The following SLC12A2 variants were observed in gnomAD, a reference collection of about 807,000 sequenced individuals.
The protein encoded by SLC12A2 is Na-K-2Cl cotransporter 1.
A neutral mutation model predicts 136.3 loss-of-function variants in SLC12A2; 67 were observed. That is an observed-to-expected ratio of 0.49 (90% CI 0.40 to 0.60). The LOEUF is 0.60. SLC12A2 is among the 20% of genes least tolerant of loss of function. SLC12A2 has a pLI of 0.00. For synonymous variants in SLC12A2, 619 were observed against 562.9 expected, an observed-to-expected ratio of 1.10 and a Z score of -1.41; for missense variants, 1,322 against 1,534.7, an observed-to-expected ratio of 0.86 and a Z score of 2.32.
chr5:128,175,469 G>A (rs1401192692), intron 20 of SLC12A2, among the ~76,000 whole-genome samples: 1 of 151,674 alleles, frequency 6.6e-6, no homozygotes, highest in Non-Finnish European at 1.5e-5. Flanking sequence ...CTATATTCCA[G>A]CATTTATTTT....
rs144936360 is a variant in SLC12A2, at chr5:128,129,340, A to G, written c.1049-1727A>G. 3.9e-5 allele frequency among the ~76,000 whole-genome samples: 6 copies of G among 152,278 alleles called. No individual in the cohort carries two copies. The East Asian group carries it at 9.6e-4, about 24-fold the overall frequency. ...TTGTGATTAATTATAATGTGATGTA[A>G]TATAGTCAAAGATCTTTGACAAAAT... On this transcript the variant is annotated intron_variant, in intron 4 of 26. Transcript: ENST00000262461.
intron 16 of SLC12A2, among the ~76,000 whole-genome samples, chr5:128,160,987 C>G (rs1763017013): frequency 6.6e-6 from 1 of 152,030 alleles, no homozygotes; most frequent in African/African-American, 2.4e-5. Context: ...GAGCATAAGA[C>G]ATTTACAAAT....
At chr5:128,126,964 ATATTT>A (rs1299968559) in intron 4 of SLC12A2, among the ~76,000 whole-genome samples, 3 of 21,682 alleles carry the variant, frequency 1.4e-4, no homozygotes, top group African/African-American at 3.1e-4. Flanking sequence ...ATATATATAT[ATATTT>A]TTTTTTTTTT....
chr5:128,087,976 A>G (rs1760161498), intron 1 of SLC12A2, among the ~76,000 whole-genome samples: 1 of 147,212 alleles, frequency 6.8e-6, no homozygotes, highest in Admixed American at 6.8e-5. Flanking sequence ...AAAGACAAAG[A>G]CAACTTATTC....
intron 16 of SLC12A2, among the ~76,000 whole-genome samples, chr5:128,159,016 G>A (rs942074396): frequency 1.3e-5 from 2 of 149,694 alleles, no homozygotes; most frequent in Non-Finnish European, 3.0e-5. Flanking sequence ...TTTTTTTTCA[G>A]GTAGTTGTTT....
intron 1 of SLC12A2, chr5:128,110,782 G>T: frequency 6.8e-7 from 1 of 1,470,036 alleles, no homozygotes; most frequent in Non-Finnish European, 9.5e-7. Context: ...CAATGAAGAG[G>T]CCAAAAAGAT....
intron 1 of SLC12A2, among the ~76,000 whole-genome samples, chr5:128,107,340 C>A (rs913931635): frequency 1.3e-5 from 2 of 152,108 alleles, no homozygotes; most frequent in African/African-American, 4.8e-5. Flanking sequence ...ATGTGCAGAA[C>A]GTGCAGTTTT....
chr5:128,138,593 G>C lies in SLC12A2; in HGVS notation c.1409-4G>C. ...AATTGTCAAGAATATTTTGTTCTCT[G>C]CAGCTGAAATATTTAATGAGAACTT... On this transcript the variant is annotated splice_region_variant and splice_polypyrimidine_tract_variant and intron_variant, in intron 7 of 26. Transcript: ENST00000262461. 6.2e-7 allele frequency: 1 copy of C among 1,605,338 alleles called. No individual in the cohort carries two copies. Among genetic ancestry groups the C allele is most frequent in the Non-Finnish European group, 8.5e-7 (1 of 1,177,642 alleles).
chr5:128,126,739 T>C (rs1408395892), intron 4 of SLC12A2, among the ~76,000 whole-genome samples: 2 of 151,834 alleles, frequency 1.3e-5, no homozygotes, highest in Non-Finnish European at 2.9e-5. Flanking sequence ...ATAAACATCC[T>C]TTCCTTGTTC....
Position 128,148,876 on chromosome 5 carries a change from T to C in SLC12A2, c.2004T>C (p.Ile668=). 6.3e-7 allele frequency: 1 copy of C among 1,592,738 alleles called. No individual in the cohort carries two copies. Reference sequence around the variant, plus strand: ...TAATTGCACTTGGATTCATCTTAATTGGTTAGTTATATAAATGGTGTGTTA... The same window carrying C: ...TAATTGCACTTGGATTCATCTTAATCGGTTAGTTATATAAATGGTGTGTTA... The part of the protein sequence containing the change: ...TFLIALGFIL[I]AELNVIAPII... The change falls in exon 12 of 27, where the codon ATT becomes ATC. Residue 668 remains isoleucine, a splice_region_variant and synonymous_variant. Transcript: ENST00000262461.
intron 19 of SLC12A2, among the ~76,000 whole-genome samples, 191 bp from the exon 20 acceptor site, chr5:128,174,350 A>T (rs1252368509): frequency 6.6e-6 from 1 of 152,026 alleles, no homozygotes; most frequent in Non-Finnish European, 1.5e-5. Context: ...AGGATATTCA[A>T]CCTGTAACCT....
chr5:128,122,370 GT>G (rs1244667713), intron 4 of SLC12A2, among the ~76,000 whole-genome samples: 1 of 152,184 alleles, frequency 6.6e-6, no homozygotes, highest in Non-Finnish European at 1.5e-5. Flanking sequence ...TGTTATTGGA[GT>G]TTACATTGAG....
rs1762507141 is a variant in SLC12A2 at position 128,145,546 on chromosome 5, A to G, written c.1774-2076A>G. On this transcript the variant is annotated intron_variant, in intron 10 of 26. Transcript: ENST00000262461. ...ATGCACAGCATATATGTAACTACTAAATTGTTATTAAAGGGCTGAGTAGAA... is the reference window on the plus strand; with the variant it reads ...ATGCACAGCATATATGTAACTACTAGATTGTTATTAAAGGGCTGAGTAGAA... 2.0e-5 allele frequency among the ~76,000 whole-genome samples: 3 copies of G among 152,088 alleles called. No individual in the cohort carries two copies. In the South Asian group the frequency reaches 6.2e-4, roughly 32 times the overall value.
intron 1 of SLC12A2, chr5:128,110,720 T>G: frequency 2.1e-6 from 3 of 1,451,788 alleles, no homozygotes; most frequent in Non-Finnish European, 2.9e-6. Flanking sequence ...TACATTCCAG[T>G]GAAGAGCAAC....
chr5:128,116,350 A>G (rs1329156176), intron 4 of SLC12A2, among the ~76,000 whole-genome samples: 4 of 150,768 alleles, frequency 2.7e-5, no homozygotes, highest in Non-Finnish European at 5.9e-5. Context: ...CAATAATACC[A>G]TTTGTAGTTT....
chr5:128,169,027 T>G (rs973958452), intron 18 of SLC12A2: 2 of 152,204 alleles, frequency 1.3e-5, no homozygotes, highest in Non-Finnish European at 2.9e-5. Flanking sequence ...AAAACTTTTT[T>G]TTTGTTTTTG....
intron 1 of SLC12A2, among the ~76,000 whole-genome samples, chr5:128,087,885 A>G (rs1760158038): frequency 1.3e-5 from 2 of 152,090 alleles, no homozygotes; most frequent in Admixed American, 1.3e-4. Flanking sequence ...CTGTTGCTTG[A>G]GATGAGAAAT....
At chr5:128,133,278 T>G (rs1396263763) in intron 5 of SLC12A2, among the ~76,000 whole-genome samples, 1 of 152,114 alleles carries the variant, frequency 6.6e-6, no homozygotes, top group Non-Finnish European at 1.5e-5. Flanking sequence ...TGATTAAATA[T>G]TAACACTTTC....
At chr5:128,116,321 A>C (rs980101531) in intron 4 of SLC12A2, among the ~76,000 whole-genome samples, 1 of 151,978 alleles carries the variant, frequency 6.6e-6, no homozygotes, top group Non-Finnish European at 1.5e-5. Flanking sequence ...GATTGTGACC[A>C]AAAAGCCATT....
Sources: gnomAD v4.1 joint callset for allele counts (sites outside exome capture counted in the v4.1 genomes callset) on GRCh38, gnomAD v4.1.1 for gene constraint, MANE v1.5 for transcripts, NCBI Gene and HGNC (gene_info 2026-07-23, HGNC 2026-07-21) for gene names.